The following PTPRG variants were observed in gnomAD, a reference collection of about 807,000 sequenced individuals.
PTPRG encodes the protein protein tyrosine phosphatase receptor type G.
PTPRG carries 102 observed loss-of-function variants against 165.3 expected under a neutral mutation model. The observed-to-expected ratio is 0.62, with a 90% CI of 0.53 to 0.73. The LOEUF (loss-of-function observed/expected upper bound fraction) is 0.73, where lower values mean the gene tolerates loss of function less well. Among genes scored for constraint, PTPRG ranks in the 30% least tolerant of loss-of-function variants. The probability of loss-of-function intolerance (pLI) is 0.00; values close to 1 mark genes in which losing one functional copy is unlikely to be tolerated. For missense variants in PTPRG, 1,866 were observed against 1,861.4 expected, an observed-to-expected ratio of 1.00 and a Z score of -0.05; for synonymous variants, 675 against 669.5, an observed-to-expected ratio of 1.01 and a Z score of -0.13.
chr3:61,594,973 C>G (rs993977184), intron 1 of PTPRG, among the ~76,000 whole-genome samples: 2 of 151,922 alleles, frequency 1.3e-5, no homozygotes, highest in African/African-American at 4.8e-5. Context: ...TTAACCATTC[C>G]TTGTCTGTTG....
chr3:62,035,611 C>A (rs1405853139), intron 4 of PTPRG, among the ~76,000 whole-genome samples: 1 of 152,230 alleles, frequency 6.6e-6, no homozygotes, highest in Non-Finnish European at 1.5e-5. Context: ...TATGTGAAAC[C>A]TTGCCACTGA....
chr3:61,707,071 T>G (rs2031302760), intron 1 of PTPRG, among the ~76,000 whole-genome samples: 1 of 152,204 alleles, frequency 6.6e-6, no homozygotes, highest in Admixed American at 6.5e-5. Context: ...AGATAGTGTC[T>G]TTATTGTTGT....
At chr3:61,763,458 C>G (rs1467716272) in intron 2 of PTPRG, among the ~76,000 whole-genome samples, 1 of 151,950 alleles carries the variant, frequency 6.6e-6, no homozygotes, top group Non-Finnish European at 1.5e-5. Context: ...CAGCACCTCC[C>G]AGTTTCAAGC....
chr3:62,041,747 AT>A (rs1343543837), intron 4 of PTPRG, among the ~76,000 whole-genome samples: 1 of 151,720 alleles, frequency 6.6e-6, no homozygotes, highest in African/African-American at 2.4e-5. Flanking sequence ...GGTAATGATC[AT>A]TGTGATGGTG....
At chr3:62,206,681 C>T (rs958143781) in intron 12 of PTPRG, among the ~76,000 whole-genome samples, 13 of 151,992 alleles carry the variant, frequency 8.6e-5, no homozygotes, top group Non-Finnish European at 2.9e-5. Context: ...TCCTGTAGTC[C>T]CAGGACTTTG....
At chr3:61,898,577 G>T (rs1320551561) in intron 2 of PTPRG, among the ~76,000 whole-genome samples, 1 of 152,092 alleles carries the variant, frequency 6.6e-6, no homozygotes, top group Admixed American at 6.5e-5. Context: ...TAGCTTTTCT[G>T]GTTTGGCAGT....
chr3:61,930,550 C>T (rs973177941), intron 2 of PTPRG, among the ~76,000 whole-genome samples: 3 of 152,026 alleles, frequency 2.0e-5, no homozygotes, highest in Non-Finnish European at 2.9e-5. Flanking sequence ...TCTTCATCTG[C>T]CAGTTAAAGA....
At chr3:62,052,904 CTGTT>C (rs1700508976) in intron 4 of PTPRG, among the ~76,000 whole-genome samples, 1 of 152,146 alleles carries the variant, frequency 6.6e-6, no homozygotes, top group Non-Finnish European at 1.5e-5. Flanking sequence ...TGCCTTCTTT[CTGTT>C]TGTCAGATAC....
intron 2 of PTPRG, among the ~76,000 whole-genome samples, chr3:61,854,465 T>C (rs1430001305): frequency 6.6e-6 from 1 of 152,206 alleles, no homozygotes; most frequent in East Asian, 1.9e-4. Flanking sequence ...TTCTCCTTCC[T>C]GCAACTATGT....
chr3:61,598,843 C>T (rs966496047), intron 1 of PTPRG, among the ~76,000 whole-genome samples: 4 of 152,010 alleles, frequency 2.6e-5, no homozygotes, highest in Admixed American at 6.6e-5. Flanking sequence ...CTTTGGCCCG[C>T]GGAAGCACCA....
intron 2 of PTPRG, among the ~76,000 whole-genome samples, chr3:61,943,981 T>A (rs1299629578): frequency 2.0e-5 from 3 of 152,224 alleles, no homozygotes; most frequent in Non-Finnish European, 4.4e-5. Context: ...ATTTAACTTT[T>A]TTTTCGTTGA....
intron 2 of PTPRG, among the ~76,000 whole-genome samples, chr3:61,979,931 C>CTT (rs796877871): frequency 1.4e-5 from 2 of 147,036 alleles, no homozygotes; most frequent in Admixed American, 1.4e-4. Flanking sequence ...CTTTTAATTT[C>CTT]TTTTTTTTTT....
chr3:61,676,049 T>C (rs990679701), intron 1 of PTPRG, among the ~76,000 whole-genome samples: 1 of 152,218 alleles, frequency 6.6e-6, no homozygotes, highest in Non-Finnish European at 1.5e-5. Flanking sequence ...GTAAGTTAAA[T>C]TTTTATTTAT....
chr3:61,892,587 C>T (rs916120857), intron 2 of PTPRG, among the ~76,000 whole-genome samples: 38 of 152,112 alleles, frequency 2.5e-4, no homozygotes, highest in Non-Finnish European at 3.2e-4. Context: ...GAGGGAGAGG[C>T]GGGTGGATCA....
At chr3:62,053,476 A>C (rs933370353) in intron 4 of PTPRG, among the ~76,000 whole-genome samples, 3 of 152,136 alleles carry the variant, frequency 2.0e-5, no homozygotes, top group African/African-American at 7.2e-5. Flanking sequence ...CATGTTGGCC[A>C]GGCTGGTCTT....
At chr3:61,715,176 T>C (rs2031750105) in intron 1 of PTPRG, among the ~76,000 whole-genome samples, 1 of 151,828 alleles carries the variant, frequency 6.6e-6, no homozygotes, top group Admixed American at 6.6e-5. Context: ...TTGCTTTTTT[T>C]TTCTTTGTTT....
intron 1 of PTPRG, among the ~76,000 whole-genome samples, chr3:61,640,148 T>C (rs1453130446): frequency 6.6e-6 from 1 of 152,210 alleles, no homozygotes; most frequent in Non-Finnish European, 1.5e-5. Flanking sequence ...TTTTCCTTTC[T>C]TGATCTACCC....
chr3:62,106,170 T>A (rs1023229428), intron 5 of PTPRG, among the ~76,000 whole-genome samples: 4 of 152,192 alleles, frequency 2.6e-5, no homozygotes, highest in African/African-American at 9.7e-5. Flanking sequence ...ATGGGCAGAT[T>A]TTCTAAATCT....
At chr3:61,972,879 A>C (rs1007980143) in intron 2 of PTPRG, among the ~76,000 whole-genome samples, 1 of 150,738 alleles carries the variant, frequency 6.6e-6, no homozygotes, top group African/African-American at 2.4e-5. Flanking sequence ...GGCTGGTCTT[A>C]AACTTCTGGG....
Sources: gnomAD v4.1 joint callset for allele counts (sites outside exome capture counted in the v4.1 genomes callset) on GRCh38, gnomAD v4.1.1 for gene constraint, MANE v1.5 for transcripts, NCBI Gene and HGNC (gene_info 2026-07-23, HGNC 2026-07-21) for gene names.